Variants in TMEM132D observed in about 807,000 individuals in gnomAD.
TMEM132D encodes mature OL transmembrane protein.
In TMEM132D, 21 loss-of-function variants were observed where a neutral mutation model predicts 62.3. The observed-to-expected ratio is 0.34, with a 90% CI of 0.24 to 0.49. TMEM132D has a LOEUF of 0.49. TMEM132D is among the 20% of genes least tolerant of loss of function. The pLI, the probability that TMEM132D is intolerant of heterozygous loss-of-function variation, is 0.99. For missense variants in TMEM132D, 1,346 were observed against 1,402.8 expected (o/e 0.96, Z 0.65); for synonymous variants, 621 against 575.6 (o/e 1.08, Z -1.13).
chr12:129,268,968 G>A (rs943092874), intron 4 of TMEM132D, among the ~76,000 whole-genome samples: 160 of 144,290 alleles, frequency 1.1e-3, no homozygotes, highest in African/African-American at 3.8e-3. Context: ...GAATTGAACA[G>A]TGAGAACACA....
chr12:129,074,761 T>G lies in TMEM132D; in HGVS notation c.2414A>C (p.Asn805Thr), dbSNP rs1874196665. The G allele has an allele frequency of 1.2e-6, 2 of 1,614,174 alleles. No homozygotes were observed. Among genetic ancestry groups the G allele is most frequent in the South Asian group, 2.2e-5 (2 of 91,080 alleles). Residue 805 changes from asparagine to threonine, a missense_variant, in exon 9 of 9, where the codon AAC becomes ACC. Physicochemically the swap from Asn to Thr is moderately conservative, Grantham distance 65. Transcript: ENST00000422113. ...CCCTGTGTGTCTGCTGTCACTGGTG[T>G]TGGGGTTAGCATCGTTTTGGCCAAA... ...VKFGQNDANPNTSDSRHTGAG... is the reference protein window; with the variant it reads ...VKFGQNDANPTTSDSRHTGAG...
At chr12:129,822,468 C>T (rs2137326223) in intron 1 of TMEM132D, among the ~76,000 whole-genome samples, 1 of 152,338 alleles carries the variant, frequency 6.6e-6, no homozygotes, top group East Asian at 1.9e-4. Flanking sequence ...ACGCACTTAA[C>T]TTCTTCAGCA....
chr12:129,143,056 C>G (rs1434793546), intron 5 of TMEM132D, among the ~76,000 whole-genome samples: 2 of 152,088 alleles, frequency 1.3e-5, no homozygotes, highest in African/African-American at 2.4e-5. Context: ...AGGGTAACCT[C>G]TAATTCAGTT....
chr12:129,495,794 C>A (rs953868914), intron 3 of TMEM132D, among the ~76,000 whole-genome samples: 1 of 152,214 alleles, frequency 6.6e-6, no homozygotes, highest in South Asian at 2.1e-4. Flanking sequence ...TCTCTATCAG[C>A]GCCTGAAGAG....
At chr12:129,111,368 GAAC>G (rs1005887775) in intron 5 of TMEM132D, 4 of 152,354 alleles carry the variant, frequency 2.6e-5, no homozygotes, top group East Asian at 1.9e-4. Context: ...AACTGTGAGA[GAAC>G]AACTGTCTGC....
intron 4 of TMEM132D, among the ~76,000 whole-genome samples, chr12:129,240,508 C>A (rs1009939948): frequency 6.6e-6 from 1 of 152,012 alleles, no homozygotes; most frequent in African/African-American, 2.4e-5. Flanking sequence ...TCAACCTAGA[C>A]CATATATTGT....
intron 5 of TMEM132D, among the ~76,000 whole-genome samples, chr12:129,168,475 C>T (rs1205079802): frequency 2.0e-5 from 3 of 152,136 alleles, no homozygotes; most frequent in Non-Finnish European, 2.9e-5. Flanking sequence ...ACTTTCCGCT[C>T]TATGGATTTT....
chr12:129,308,549 C>A (rs993975935), intron 4 of TMEM132D, among the ~76,000 whole-genome samples: 1 of 152,190 alleles, frequency 6.6e-6, no homozygotes, highest in Non-Finnish European at 1.5e-5. Flanking sequence ...GGGCTTACTT[C>A]CTATCACTTG....
At chr12:129,639,664 G>A (rs986163452) in intron 2 of TMEM132D, among the ~76,000 whole-genome samples, 4 of 151,972 alleles carry the variant, frequency 2.6e-5, no homozygotes, top group African/African-American at 7.3e-5. Flanking sequence ...TACAAGTCAG[G>A]GTGCATCTCC....
intron 2 of TMEM132D, among the ~76,000 whole-genome samples, chr12:129,538,707 C>A (rs1423366284): frequency 6.6e-6 from 1 of 152,224 alleles, no homozygotes; most frequent in Non-Finnish European, 1.5e-5. Context: ...TACCTTCTTG[C>A]ACTGTATTCA....
At chr12:129,076,744 TAA>T (rs1874270087) in intron 8 of TMEM132D, among the ~76,000 whole-genome samples, 1 of 152,006 alleles carries the variant, frequency 6.6e-6, no homozygotes, top group African/African-American at 2.4e-5. Flanking sequence ...AGGCAGGGAG[TAA>T]GAGCCCTGCA....
chr12:129,709,249 C>G (rs937998910), intron 1 of TMEM132D, among the ~76,000 whole-genome samples: 2 of 152,098 alleles, frequency 1.3e-5, no homozygotes, highest in Non-Finnish European at 2.9e-5. Flanking sequence ...TGTCTCTCTG[C>G]CCCATTCATT....
intron 4 of TMEM132D, among the ~76,000 whole-genome samples, chr12:129,248,567 T>A (rs1880183884): frequency 6.6e-6 from 1 of 152,042 alleles, no homozygotes; most frequent in African/African-American, 2.4e-5. Flanking sequence ...AATTTTTTTT[T>A]AACTTTTAAG....
intron 3 of TMEM132D, among the ~76,000 whole-genome samples, chr12:129,402,693 C>T (rs534699812): frequency 2.0e-5 from 3 of 152,188 alleles, no homozygotes; most frequent in Non-Finnish European, 4.4e-5. Context: ...ATCTCAGCCT[C>T]CTAAGTCAGT....
At chr12:129,317,673 A>T (rs574922778) in intron 4 of TMEM132D, among the ~76,000 whole-genome samples, 1 of 152,166 alleles carries the variant, frequency 6.6e-6, no homozygotes, top group Non-Finnish European at 1.5e-5. Context: ...TGCTTCTCGT[A>T]TTGGAACGTC....
chr12:129,647,121 C>CATATATATATAT lies in TMEM132D; in HGVS notation c.968+52677_968+52688dup, dbSNP rs34158444. On this transcript the variant is annotated intron_variant, in intron 2 of 8. Coordinates refer to ENST00000422113, the MANE Select transcript of TMEM132D (RefSeq NM_133448.3). The stretch of plus-strand genomic sequence containing the variant: ...AACCACATGTTTTTATACATACATA[C>CATATATATATAT]ATATATATATATATATATATACTCA... 2.2e-4 allele frequency among the ~76,000 whole-genome samples: 32 copies of CATATATATATAT among 146,456 alleles called. No homozygotes were observed. The East Asian group carries it at 3.6e-3, about 16-fold the overall frequency.
chr12:129,518,923 G>A (rs1049519912), intron 3 of TMEM132D, among the ~76,000 whole-genome samples: 1 of 152,120 alleles, frequency 6.6e-6, no homozygotes, highest in Non-Finnish European at 1.5e-5. Flanking sequence ...TTTTAATGAA[G>A]GTTGGCACAC....
In TMEM132D at chr12:129,753,842, A is replaced by C. The variant is rs151094276; in HGVS notation, c.80-53144T>G. On this transcript the variant is annotated intron_variant, in intron 1 of 8. Coordinates refer to ENST00000422113, the MANE Select transcript of TMEM132D (RefSeq NM_133448.3). Reference sequence around the variant, plus strand: ...GGAAAATATTTTCAAGTATTACTTCATTTTTCCCCCTATAATTCTTTCTCA... The same window carrying C: ...GGAAAATATTTTCAAGTATTACTTCCTTTTTCCCCCTATAATTCTTTCTCA... Among the ~76,000 whole-genome samples, 228 of 152,272 alleles carry C rather than the reference A, an allele frequency of 1.5e-3. 1 individual carries two copies. Among genetic ancestry groups the C allele is most frequent in the African/African-American group, 5.1e-3 (213 of 41,558 alleles).
intron 4 of TMEM132D, among the ~76,000 whole-genome samples, chr12:129,294,608 C>T (rs1254590691): frequency 2.6e-5 from 4 of 152,094 alleles, no homozygotes; most frequent in South Asian, 2.1e-4. Context: ...AGAGGGGATC[C>T]GTGGAGTCTA....
Sources: allele counts gnomAD v4.1 joint callset (sites outside exome capture counted in the v4.1 genomes callset), GRCh38; gene constraint gnomAD v4.1.1; transcripts MANE v1.5; gene names NCBI Gene and HGNC (gene_info 2026-07-23, HGNC 2026-07-21).